Variants in MIA2 observed in about 807,000 individuals in gnomAD.
The protein encoded by MIA2 is melanoma inhibitory activity protein 2.
MIA2 carries 127 observed loss-of-function variants against 167.8 expected under a neutral mutation model. The observed-to-expected ratio is 0.76, with a 90% CI of 0.66 to 0.88. MIA2 has a LOEUF of 0.88. Ranked by LOEUF, MIA2 falls within the 40% of genes least tolerant of loss-of-function variation. The probability of loss-of-function intolerance (pLI) is 0.00; values close to 1 mark genes in which losing one functional copy is unlikely to be tolerated. For missense variants in MIA2, 1,690 were observed against 1,624.7 expected (o/e 1.04, Z -0.69); for synonymous variants, 552 against 541.9 (o/e 1.02, Z -0.26).
rs1383465200 is a variant in MIA2, at chr14:39,288,451, ATATATATATATATATATATATATAT to A, written c.2131-2566_2131-2542del. ...ATTATACATATATATATATATATATATATATATATATATATATATATATATTTTTTTTTTTTTTTTTGAGACGGAG... is the reference window on the plus strand; with the variant it reads ...ATTATACATATATATATATATATATATTTTTTTTTTTTTTTTGAGACGGAG... On this transcript the variant is annotated intron_variant, in intron 9 of 28. Transcript: ENST00000640607. Among the ~76,000 whole-genome samples the A allele has an allele frequency of 1.3e-3, 11 of 8,790 alleles. 2 individuals are homozygous for A. The highest frequency in any genetic ancestry group is 7.2e-3 in the East Asian group (4 of 552). 5.8% of individuals were successfully genotyped at this position (8,790 alleles called of 152,430 possible). A position where few individuals can be genotyped will look rare whatever the true frequency, so the allele number is the denominator to read the frequency against.
intron 2 of MIA2, among the ~76,000 whole-genome samples, chr14:39,239,039 C>T (rs2053925078): frequency 6.6e-6 from 1 of 152,126 alleles, no homozygotes; most frequent in Non-Finnish European, 1.5e-5. Context: ...GCATGGTCGA[C>T]TTGATACATG....
intron 19 of MIA2, among the ~76,000 whole-genome samples, chr14:39,314,454 A>G (rs1180682605): frequency 6.6e-6 from 1 of 152,038 alleles, no homozygotes; most frequent in Non-Finnish European, 1.5e-5. Flanking sequence ...AATAAAAAAA[A>G]AACAACACAA....
At chr14:39,330,055 T>A (rs1402381798) in intron 25 of MIA2, among the ~76,000 whole-genome samples, 1 of 152,208 alleles carries the variant, frequency 6.6e-6, no homozygotes, top group African/African-American at 2.4e-5. Flanking sequence ...TACCAGCTCC[T>A]CCTTGTACCT....
intron 6 of MIA2, chr14:39,276,377 C>T (rs1478795851): frequency 6.6e-6 from 1 of 152,482 alleles, no homozygotes; most frequent in African/African-American, 2.4e-5. Context: ...CAGCATTATT[C>T]TCATTACACT....
chr14:39,247,427 G>A lies in MIA2; in HGVS notation c.853G>A (p.Asp285Asn). 6.2e-7 allele frequency: 1 copy of A among 1,614,064 alleles called. No homozygotes were observed. ...EHQQESESEI[D>N]SVPKTQSELA... ...TCAGCAAGAATCTGAATCAGAAATT[G>A]ATTCAGTGCCAAAGACACAGTCTGA... The change falls in exon 4 of 29, where the codon GAT (aspartate) becomes AAT (asparagine). Residue 285 changes from aspartate (D) to asparagine (N), a missense_variant. Asp to Asn is a conservative substitution (Grantham distance 23). Transcript: ENST00000640607.
chr14:39,382,694 A>T (rs910357097), intron 23 of MIA2, among the ~76,000 whole-genome samples: 1 of 152,186 alleles, frequency 6.6e-6, no homozygotes, highest in African/African-American at 2.4e-5. Flanking sequence ...ATCTGTAGCT[A>T]CTGCTTAGGA....
At chr14:39,288,456 TATATATATATATATA>T (rs2060173744) in intron 9 of MIA2, among the ~76,000 whole-genome samples, 13 of 14,338 alleles carry the variant, frequency 9.1e-4, no homozygotes, top group African/African-American at 1.7e-3. Flanking sequence ...TATATATATA[TATATATATATATATA>T]TATATTTTTT....
In MIA2 at chr14:39,377,048, C is replaced by T. The variant is rs189439003; in HGVS notation, c.2249-9837C>T. On this transcript the variant is annotated intron_variant, in intron 23 of 23. Coordinates refer to the MIA2 transcript ENST00000341502. ...TATTTTCCTTTCACATTTCTCCCCA[C>T]TTTTCTTTTTAAAATCTTTCAGATA... Among the ~76,000 whole-genome samples, 139 of 152,300 alleles carry T rather than the reference C, an allele frequency of 9.1e-4. 3 individuals carry two copies. The South Asian group carries it at 0.01, about 11-fold the overall frequency.
Position 39,276,994 on chromosome 14 carries a change from GA to G in MIA2, c.1950del (p.Glu650AspfsTer3). On this transcript the variant is annotated frameshift_variant, in exon 7 of 29. Transcript: ENST00000640607. LOFTEE classifies it high-confidence loss of function. ...TTCTAATCTTTATGGTTTTCCATGG[GA>G]ATTGGTGATATGTGCAGCTGTTGTT... The part of the protein sequence containing the change: ...PDSNLYGFPW[E>X]LVICAAVVGF... 6.2e-7 allele frequency: 1 copy of G among 1,613,966 alleles called. No homozygotes were observed. The highest frequency in any genetic ancestry group is 8.5e-7 in the Non-Finnish European group (1 of 1,179,912).
At chr14:39,257,899 T>G (rs1354568044) in intron 6 of MIA2, among the ~76,000 whole-genome samples, 4 of 152,350 alleles carry the variant, frequency 2.6e-5, no homozygotes, top group East Asian at 3.9e-4. Context: ...TTTAAGAATG[T>G]TGAATATTGG....
intron 25 of MIA2, among the ~76,000 whole-genome samples, chr14:39,344,576 C>G (rs2072782352): frequency 1.3e-5 from 2 of 152,270 alleles, no homozygotes; most frequent in East Asian, 1.9e-4. Context: ...GCCAGGTGGT[C>G]TCTCTGGTTT....
At chr14:39,236,145 T>C (rs928479132) in intron 1 of MIA2, among the ~76,000 whole-genome samples, 5 of 152,158 alleles carry the variant, frequency 3.3e-5, no homozygotes, top group African/African-American at 7.2e-5. Context: ...TCAGAAAATT[T>C]AATTTTAGTG....
At chr14:39,274,392 A>G (rs1250690949) in intron 6 of MIA2, among the ~76,000 whole-genome samples, 1 of 151,598 alleles carries the variant, frequency 6.6e-6, no homozygotes, top group Non-Finnish European at 1.5e-5. Context: ...TGAATTTGAG[A>G]TGAATCCTTT....
chr14:39,266,198 C>T (rs2055600443), intron 6 of MIA2: 1 of 985,220 alleles, frequency 1.0e-6, no homozygotes, highest in African/African-American at 1.7e-5. Flanking sequence ...TGAGTTGCTT[C>T]ACCAAAGTAC....
At chr14:39,269,744 C>T (rs981654315) in intron 6 of MIA2, among the ~76,000 whole-genome samples, 1 of 152,090 alleles carries the variant, frequency 6.6e-6, no homozygotes, top group African/African-American at 2.4e-5. Flanking sequence ...TGGTCTTGAG[C>T]TCCTAGGCTC....
intron 23 of MIA2, among the ~76,000 whole-genome samples, chr14:39,357,984 CA>C (rs1470391810): frequency 6.6e-6 from 1 of 152,202 alleles, no homozygotes; most frequent in Non-Finnish European, 1.5e-5. Flanking sequence ...CTGCCCTTAA[CA>C]TTTTTTCCTT....
At chr14:39,385,288 A>AGG in intron 23 of MIA2, 1 of 657,052 alleles carries the variant, frequency 1.5e-6, no homozygotes, top group Non-Finnish European at 2.7e-6. Context: ...TAAAGTGAAG[A>AGG]TAACAAAAAA....
chr14:39,333,360 A>G (rs989212243), intron 25 of MIA2, among the ~76,000 whole-genome samples: 14 of 152,184 alleles, frequency 9.2e-5, no homozygotes, highest in African/African-American at 3.4e-4. Flanking sequence ...AACAGCTCAA[A>G]TATTAGTTCA....
chr14:39,299,838 T>C (rs1344323334), intron 13 of MIA2, 26 bp from the exon 14 acceptor site: 1 of 1,592,542 alleles, frequency 6.3e-7, no homozygotes, highest in Admixed American at 1.8e-5. Context: ...TGTGATGAGT[T>C]GCATTTTTAA....
Sources: gnomAD v4.1 joint callset for allele counts (sites outside exome capture counted in the v4.1 genomes callset) on GRCh38, gnomAD v4.1.1 for gene constraint, MANE v1.5 for transcripts, NCBI Gene and HGNC (gene_info 2026-07-23, HGNC 2026-07-21) for gene names.